KTN1: variants seen among roughly 807,000 people sequenced by gnomAD.
The protein encoded by KTN1 is kinectin.
Under a neutral mutation model 222.5 loss-of-function variants are expected in KTN1, and 130 were observed. That is an observed-to-expected ratio of 0.58 (90% CI 0.51 to 0.68). The LOEUF (loss-of-function observed/expected upper bound fraction) is 0.68, where lower values mean the gene tolerates loss of function less well. KTN1 is among the 30% of genes least tolerant of loss of function. The pLI, the probability that KTN1 is intolerant of heterozygous loss-of-function variation, is 0.00. For missense variants in KTN1, 1,508 were observed against 1,500.4 expected (o/e 1.01, Z -0.08); for synonymous variants, 512 against 496.3 (o/e 1.03, Z -0.42).
At chr14:55,625,167 C>T (rs2039648547) in intron 5 of KTN1, among the ~76,000 whole-genome samples, 3 of 152,212 alleles carry the variant, frequency 2.0e-5, no homozygotes, top group Admixed American at 2.0e-4. Context: ...AGATAAGTTA[C>T]TTAGCTTCAG....
intron 5 of KTN1, among the ~76,000 whole-genome samples, chr14:55,624,253 G>A (rs1404638979): frequency 1.3e-5 from 2 of 152,142 alleles, no homozygotes; most frequent in South Asian, 2.1e-4. Context: ...CAGACTGTTC[G>A]AAGTCGCAGA....
At chr14:55,680,821 A>C in intron 43 of KTN1, 4 of 746,620 alleles carry the variant, frequency 5.4e-6, no homozygotes, top group Non-Finnish European at 8.6e-6. Flanking sequence ...ATTAAGCCTC[A>C]GCTCAAATCT....
intron 30 of KTN1, among the ~76,000 whole-genome samples, chr14:55,659,307 GTTT>G (rs772118269): frequency 8.3e-6 from 1 of 120,630 alleles, no homozygotes; most frequent in Non-Finnish European, 1.8e-5. Context: ...TTTGATTTCT[GTTT>G]TTTTTTTTTT....
intron 1 of KTN1, among the ~76,000 whole-genome samples, chr14:55,596,705 G>A (rs1277474366): frequency 6.6e-6 from 1 of 152,014 alleles, no homozygotes; most frequent in African/African-American, 2.4e-5. Flanking sequence ...ACTTTTTCTT[G>A]GCGTTAGCTC....
intron 42 of KTN1, chr14:55,678,892 G>T (rs188827685): frequency 1.3e-5 from 2 of 159,068 alleles, no homozygotes; most frequent in African/African-American, 4.8e-5. Context: ...AACCATCCCC[G>T]CACTCACCCA....
intron 1 of KTN1, among the ~76,000 whole-genome samples, chr14:55,600,530 G>C (rs988839116): frequency 6.6e-6 from 1 of 152,112 alleles, no homozygotes; most frequent in Non-Finnish European, 1.5e-5. Flanking sequence ...GTTTATGGGA[G>C]GTATTCATCC....
intron 1 of KTN1, among the ~76,000 whole-genome samples, chr14:55,580,741 C>T (rs2031271315): frequency 6.6e-6 from 1 of 152,120 alleles, no homozygotes; most frequent in South Asian, 2.1e-4. Context: ...TTTAGCCAAG[C>T]CTGAGGGCCC....
chr14:55,588,482 A>T (rs2033479660), intron 1 of KTN1, among the ~76,000 whole-genome samples: 1 of 152,188 alleles, frequency 6.6e-6, no homozygotes. Flanking sequence ...GTGTTGTGCT[A>T]AAAATGATGA....
chr14:55,682,335 A>ATTGATTAAGATGCCT (rs1470195811), intron 43 of KTN1: 1 of 152,094 alleles, frequency 6.6e-6, no homozygotes, highest in Non-Finnish European at 1.5e-5. Flanking sequence ...GGAGTGGGAG[A>ATTGATTAAGATGCCT]TTGATTAAGA....
intron 11 of KTN1, 87 bp from the exon 12 acceptor site, chr14:55,637,692 A>G (rs1436128919): frequency 2.2e-6 from 2 of 892,520 alleles, no homozygotes; most frequent in Admixed American, 2.5e-5. Context: ...AAAAAGATAA[A>G]CAAATGTACC....
chr14:55,590,791 T>C (rs1321111105), intron 1 of KTN1, among the ~76,000 whole-genome samples: 1 of 152,096 alleles, frequency 6.6e-6, no homozygotes, highest in Admixed American at 6.6e-5. Context: ...TTTTCCTGCA[T>C]CAGCCTCTTG....
At chr14:55,658,245 C>T (rs1482264767) in intron 29 of KTN1, among the ~76,000 whole-genome samples, 2 of 152,006 alleles carry the variant, frequency 1.3e-5, no homozygotes, top group Admixed American at 6.6e-5. Context: ...AAATATGAAA[C>T]CCAAAATGTT....
intron 21 of KTN1, among the ~76,000 whole-genome samples, chr14:55,649,141 G>A (rs1193511404): frequency 2.0e-5 from 3 of 152,048 alleles, no homozygotes; most frequent in Admixed American, 6.6e-5. Context: ...TGTCCAGACT[G>A]GTCACAAACT....
rs2041219166 is a variant in KTN1 at position 55,637,114 on chromosome 14, G to A, written c.1550-84G>A. 80 of 967,856 alleles carry A rather than the reference G, an allele frequency of 8.3e-5. No homozygotes were observed. In the South Asian group the frequency reaches 1.4e-3, roughly 17 times the overall value. The allele number at this position is 967,856 out of a possible 1,614,324, so 60.0% of individuals were successfully genotyped here. A position where few individuals can be genotyped will look rare whatever the true frequency, so the allele number is the denominator to read the frequency against. ...GGAGAGATTCAAAGAAGGTTTTCTA[G>A]AGGAGAGAATGCCTACACGAAAGAT... On this transcript the variant is annotated intron_variant, in intron 10 of 43. Transcript: ENST00000395314.
chr14:55,585,157 T>A (rs1028579524), intron 1 of KTN1, among the ~76,000 whole-genome samples: 9 of 137,246 alleles, frequency 6.6e-5, no homozygotes, highest in East Asian at 2.1e-4. Flanking sequence ...AAAAAAAAAA[T>A]CTCACATTCC....
chr14:55,659,799 C>T (rs2043912692), intron 31 of KTN1, 96 bp downstream of exon 31: 6 of 726,176 alleles, frequency 8.3e-6, no homozygotes, highest in African/African-American at 1.8e-5. Flanking sequence ...CTGCAAATGG[C>T]ACCTGATTTT....
chr14:55,606,552 G>A (rs1293241392), intron 1 of KTN1, among the ~76,000 whole-genome samples: 2 of 152,070 alleles, frequency 1.3e-5, no homozygotes, highest in African/African-American at 4.8e-5. Context: ...TGTTTTTAAT[G>A]TGAAGAAAAG....
At chr14:55,625,410 G>A (rs1376962715) in intron 5 of KTN1, among the ~76,000 whole-genome samples, 1 of 152,054 alleles carries the variant, frequency 6.6e-6, no homozygotes, top group Non-Finnish European at 1.5e-5. Context: ...CCCATGCTGT[G>A]TAGCAGGAGG....
Position 55,640,939 on chromosome 14 carries a change from G to C in KTN1, c.1990G>C (p.Ala664Pro), listed in dbSNP as rs778448255. The C allele has an allele frequency of 3.1e-6, 5 of 1,612,124 alleles. No individual in the cohort carries two copies. The highest frequency in any genetic ancestry group is 4.2e-6 in the Non-Finnish European group (5 of 1,178,710). Residue 664 changes from alanine (A) to proline (P), a missense_variant, in exon 16 of 44, where the codon GCT becomes CCT. Ala to Pro is a conservative substitution (Grantham distance 27). Transcript: ENST00000395314. ...LQALANEQAA[A>P]AHELEKMQQS... Reference sequence around the variant, plus strand: ...CTTCTCATTCCACACACAGGCTGCTGCTGCACATGAATTGGAGAAGATGCA... The same window carrying C: ...CTTCTCATTCCACACACAGGCTGCTCCTGCACATGAATTGGAGAAGATGCA...
Sources: gnomAD v4.1 joint callset for allele counts (sites outside exome capture counted in the v4.1 genomes callset) on GRCh38, gnomAD v4.1.1 for gene constraint, MANE v1.5 for transcripts, NCBI Gene and HGNC (gene_info 2026-07-23, HGNC 2026-07-21) for gene names.